Variants in PSMB5 observed in about 807,000 individuals in gnomAD.
The protein encoded by PSMB5 is proteasome 20S subunit beta 5.
A neutral mutation model predicts 22.8 loss-of-function variants in PSMB5; 2 were observed. The ratio of observed to expected loss-of-function variants is 0.09; its 90% CI spans 0.04 to 0.28. PSMB5 has a LOEUF of 0.28. Among genes scored for constraint, PSMB5 ranks in the 10% least tolerant of loss-of-function variants. The probability of loss-of-function intolerance (pLI) is 1.00; values close to 1 mark genes in which losing one functional copy is unlikely to be tolerated. For missense variants in PSMB5, 269 were observed against 343.8 expected, an observed-to-expected ratio of 0.78 and a Z score of 1.72; for synonymous variants, 133 against 135.3, an observed-to-expected ratio of 0.98 and a Z score of 0.12.
In PSMB5 at chr14:23,034,866, C is replaced by T. The variant is rs746839607; in HGVS notation, c.16G>A (p.Val6Met). The T allele has an allele frequency of 7.4e-6, 12 of 1,614,018 alleles. No individual in the cohort carries two copies. Among genetic ancestry groups the T allele is most frequent in the Non-Finnish European group, 1.0e-5 (12 of 1,180,002 alleles). The change falls in exon 1 of 3, where the codon GTG (valine) becomes ATG (methionine). Residue 6 changes from valine (V) to methionine (M), a missense_variant. By Grantham distance (21) the Val-to-Met change is conservative (BLOSUM62 1). Coordinates refer to ENST00000361611, the MANE Select transcript of PSMB5 (RefSeq NM_002797.5). MALAS[V>M]LERPLPVNQR... ...TTCACCGGTAGCGGTCTCTCCAACA[C>T]GCTGGCAAGCGCCATGTCTAGTGTG...
intron 2 of PSMB5, among the ~76,000 whole-genome samples, chr14:23,032,046 G>C (rs758326933): frequency 1.9e-4 from 29 of 152,124 alleles, no homozygotes; most frequent in Admixed American, 1.9e-3. Context: ...CTGAGATCCC[G>C]CCGCTGCACT....
Position 23,026,282 on chromosome 14 carries a change from C to T in PSMB5, c.599G>A (p.Arg200Gln), listed in dbSNP as rs1310796127. 4.3e-6 allele frequency: 7 copies of T among 1,614,004 alleles called. No homozygotes were observed. Among genetic ancestry groups the T allele is most frequent in the African/African-American group, 1.3e-5 (1 of 74,958 alleles). Residue 200 changes from arginine to glutamine, a missense_variant, in exon 3 of 3, where the codon CGG becomes CAG. Around this residue, in one of 3 missense-constraint regions of PSMB5, gnomAD observed 113 missense variants for 130.2 expected, o/e 0.87. Coordinates refer to ENST00000361611, the MANE Select transcript of PSMB5 (RefSeq NM_002797.5). ...GSVYAYGVMD[R>Q]GYSYDLEVEQ... is the part of the protein sequence containing the mutation. ...CACTTCCAGGTCATAGGAATAGCCCCGATCCATGACCCCATATGCATACAC... is the reference window on the plus strand; with the variant it reads ...CACTTCCAGGTCATAGGAATAGCCCTGATCCATGACCCCATATGCATACAC...
chr14:23,027,762 C>A, intron 2 of PSMB5: 2 of 1,548,058 alleles, frequency 1.3e-6, no homozygotes, highest in Non-Finnish European at 1.7e-6. Context: ...TGTTGCCGAT[C>A]CTCTCAGCAC....
chr14:23,030,173 C>G (rs1023717572), intron 2 of PSMB5, among the ~76,000 whole-genome samples: 2 of 151,918 alleles, frequency 1.3e-5, no homozygotes, highest in African/African-American at 4.8e-5. Context: ...CCACCATGCC[C>G]AGCCAACTGG....
At chr14:23,035,119 C>T (rs1012979568), upstream of PSMB5, 6 of 728,836 alleles carry the variant, frequency 8.2e-6, no homozygotes, top group Non-Finnish European at 1.3e-5. Flanking sequence ...TACCTGCCAT[C>T]TTGGCTTTGG....
At chr14:23,030,333 CA>C (rs1210779226) in intron 2 of PSMB5, among the ~76,000 whole-genome samples, 1 of 151,538 alleles carries the variant, frequency 6.6e-6, no homozygotes, top group Non-Finnish European at 1.5e-5. Flanking sequence ...ACTAAAAATA[CA>C]AAAAATTAGC....
chr14:23,033,778 C>T (rs1313185247), intron 1 of PSMB5, 104 bp from the exon 2 acceptor site: 7 of 1,034,094 alleles, frequency 6.8e-6, no homozygotes, highest in Non-Finnish European at 8.3e-6. Context: ...TCTCTTTCTC[C>T]GTCCTTTTAT....
rs57438321 is a variant in PSMB5 at position 23,028,873 on chromosome 14, T to C, written c.506-2498A>G. Among the ~76,000 whole-genome samples, 1,181 of 152,308 alleles carry C rather than the reference T, an allele frequency of 7.8e-3. 15 individuals are homozygous for C. Among genetic ancestry groups the C allele is most frequent in the African/African-American group, 0.027 (1,137 of 41,562 alleles). Reference sequence around the variant, plus strand: ...GATGTCTTTGTCATCATGTACAGATTCAAACTTCCTAAACTTAGATACCAG... The same window carrying C: ...GATGTCTTTGTCATCATGTACAGATCCAAACTTCCTAAACTTAGATACCAG... On this transcript the variant is annotated intron_variant, in intron 2 of 2. Coordinates refer to ENST00000361611, the MANE Select transcript of PSMB5 (RefSeq NM_002797.5).
At chr14:23,032,018 G>A (rs1366599348) in intron 2 of PSMB5, among the ~76,000 whole-genome samples, 3 of 152,186 alleles carry the variant, frequency 2.0e-5, no homozygotes, top group South Asian at 2.1e-4. Context: ...GAACCTGGGA[G>A]GCAGAGATTG....
chr14:23,031,777 C>T (rs902686731), intron 2 of PSMB5, among the ~76,000 whole-genome samples: 1 of 152,082 alleles, frequency 6.6e-6, no homozygotes, highest in African/African-American at 2.4e-5. Context: ...GTGATTATAA[C>T]CAGCAAAGAA....
intron 1 of PSMB5, 173 bp downstream of exon 1, chr14:23,034,509 CAA>C: frequency 5.4e-6 from 4 of 737,916 alleles, no homozygotes; most frequent in Non-Finnish European, 6.5e-6. Flanking sequence ...CCAACCAGAG[CAA>C]AGACAGGGGC....
chr14:23,027,825 A>G, intron 2 of PSMB5: 1 of 1,544,722 alleles, frequency 6.5e-7, no homozygotes. Context: ...ACAGAACTTC[A>G]GACACTGTGA....
At chr14:23,028,146 A>AAAAT (rs2046929683) in intron 2 of PSMB5, among the ~76,000 whole-genome samples, 1 of 151,380 alleles carries the variant, frequency 6.6e-6, no homozygotes, top group Admixed American at 6.6e-5. Flanking sequence ...TCTGTCTCAA[A>AAAAT]AAACAAACAA....
At chr14:23,028,491 A>G (rs1425204653) in intron 2 of PSMB5, among the ~76,000 whole-genome samples, 1 of 152,272 alleles carries the variant, frequency 6.6e-6, no homozygotes, top group Non-Finnish European at 1.5e-5. Flanking sequence ...ATTAGGTTAA[A>G]CAAAATATAT....
chr14:23,034,597 A>T lies in PSMB5; in HGVS notation c.198+87T>A, dbSNP rs2046977870. On this transcript the variant is annotated intron_variant, in intron 1 of 2. Transcript: ENST00000361611. Reference sequence around the variant, plus strand: ...CAGCCTCCGCCTGGGTTGGTGGCCAAGGCCACCGCAAACTCCGGTCAGGCT... The same window carrying T: ...CAGCCTCCGCCTGGGTTGGTGGCCATGGCCACCGCAAACTCCGGTCAGGCT... 4 of 1,499,658 alleles carry T rather than the reference A, an allele frequency of 2.7e-6. No homozygotes were observed. The South Asian group carries it at 4.8e-5, about 18-fold the overall frequency. The allele number at this position is 1,499,658 out of a possible 1,614,324, so 92.9% of individuals were successfully genotyped here. A position where few individuals can be genotyped will look rare whatever the true frequency, so the allele number is the denominator to read the frequency against.
intron 2 of PSMB5, chr14:23,027,858 C>T: frequency 6.6e-7 from 1 of 1,517,186 alleles, no homozygotes; most frequent in Middle Eastern, 1.7e-4. Flanking sequence ...AAAACATAAT[C>T]CCCGGCCAGG....
chr14:23,030,285 T>G (rs901014605), intron 2 of PSMB5, among the ~76,000 whole-genome samples: 3 of 151,230 alleles, frequency 2.0e-5, no homozygotes, highest in Non-Finnish European at 4.4e-5. Context: ...GTCAGGAGAT[T>G]GAGACCATCC....
intron 2 of PSMB5, among the ~76,000 whole-genome samples, chr14:23,031,621 C>T (rs551477880): frequency 2.6e-5 from 4 of 152,284 alleles, no homozygotes; most frequent in South Asian, 2.1e-4. Flanking sequence ...CTTTACTAAA[C>T]GGGCAATTCA....
At position 23,034,875 on chromosome 14, in the gene PSMB5, G is replaced by A; in HGVS notation, c.7C>T (p.Leu3Phe). ...AGCGGTCTCTCCAACACGCTGGCAA[G>A]CGCCATGTCTAGTGTGGGCAGAAAG... MA[L>F]ASVLERPLPV... Residue 3 changes from leucine to phenylalanine, a missense_variant, in exon 1 of 3, where the codon CTT (leucine) becomes TTT (phenylalanine). Transcript: ENST00000361611. 1 of 1,614,112 alleles carries A rather than the reference G, an allele frequency of 6.2e-7. No individual in the cohort carries two copies. Among genetic ancestry groups the A allele is most frequent in the Non-Finnish European group, 8.5e-7 (1 of 1,179,992 alleles).
Sources: gnomAD v4.1 joint callset for allele counts (sites outside exome capture counted in the v4.1 genomes callset) on GRCh38, gnomAD v4.1.1 for gene constraint, gnomAD v4.1.1 regional missense constraint, MANE v1.5 for transcripts, NCBI Gene and HGNC (gene_info 2026-07-23, HGNC 2026-07-21) for gene names.